NDUFS7: variants seen among roughly 807,000 people sequenced by gnomAD.
NDUFS7 encodes the protein NADH:ubiquinone oxidoreductase core subunit S7.
In NDUFS7, 11 loss-of-function variants were observed where a neutral mutation model predicts 31.1. The ratio of observed to expected loss-of-function variants is 0.35; its 90% CI spans 0.22 to 0.59. The LOEUF (loss-of-function observed/expected upper bound fraction) is 0.59. Ranked by LOEUF, NDUFS7 falls within the 20% of genes least tolerant of loss-of-function variation. The pLI is 0.79. For missense variants in NDUFS7, 263 were observed against 324.2 expected (o/e 0.81, Z 1.45); for synonymous variants, 136 against 127.9 (o/e 1.06, Z -0.43).
intron 7 of NDUFS7, chr19:1,394,011 G>A (rs758810991): frequency 1.6e-5 from 4 of 253,324 alleles, no homozygotes; most frequent in Admixed American, 1.0e-4. Flanking sequence ...TCCACGGTAG[G>A]CAGGCTTGGA....
chr19:1,393,901 C>T lies in NDUFS7; in HGVS notation c.544+571C>T, dbSNP rs915566914. The T allele has an allele frequency of 8.6e-6, 2 of 232,730 alleles. No individual in the cohort carries two copies. The highest frequency in any genetic ancestry group is 6.2e-5 in the South Asian group (1 of 16,186). 14.4% of individuals were successfully genotyped at this position (232,730 alleles called of 1,614,324 possible). On this transcript the variant is annotated intron_variant, in intron 7 of 7. Coordinates refer to ENST00000233627, the MANE Select transcript of NDUFS7 (RefSeq NM_024407.5). The surrounding 1 kb of genome is among the most constrained non-coding windows in gnomAD (Gnocchi z 7.3). ...TTGGCTGCATACCTGAAATTCACATCGCACCGGGAACATTCTTTATATCTG... is the reference window on the plus strand; with the variant it reads ...TTGGCTGCATACCTGAAATTCACATTGCACCGGGAACATTCTTTATATCTG...
rs1342462069 is a variant in NDUFS7 at position 1,395,099 on chromosome 19, CG to C, written c.545-287del. On this transcript the variant is annotated intron_variant, in intron 7 of 7. Transcript: ENST00000233627. ...CCCATTGAGTCCTGAGGGCTGGGGCCGGGGGCCGGGTTAGTGAGGTCAGCGT... is the reference window on the plus strand; with the variant it reads ...CCCATTGAGTCCTGAGGGCTGGGGCCGGGGCCGGGTTAGTGAGGTCAGCGT... 3.0e-5 allele frequency: 39 copies of C among 1,318,140 alleles called. No homozygotes were observed. In the East Asian group the frequency reaches 6.3e-4, roughly 21 times the overall value. 81.7% of individuals were successfully genotyped at this position (1,318,140 alleles called of 1,614,324 possible). A position where few individuals can be genotyped will look rare whatever the true frequency, so the allele number is the denominator to read the frequency against.
Position 1,394,153 on chromosome 19 carries a change from TC to T in NDUFS7, c.544+825del, listed in dbSNP as rs376591934. 8.9e-3 allele frequency: 3,157 copies of T among 353,454 alleles called. 97 individuals are homozygous for T. The highest frequency in any genetic ancestry group is 0.046 in the South Asian group (2,133 of 46,392). The allele number at this position is 353,454 out of a possible 1,614,324, so 21.9% of individuals were successfully genotyped here. A position where few individuals can be genotyped will look rare whatever the true frequency, so the allele number is the denominator to read the frequency against. On this transcript the variant is annotated intron_variant, in intron 7 of 7. Transcript: ENST00000233627. ...GGGGTTTGGGCAAGCGAGAGGCACA[TC>T]CTGGTGCCTCTCAAAAGTGGAGGAA...
At chr19:1,387,413 C>T (rs1157751675) in intron 1 of NDUFS7, among the ~76,000 whole-genome samples, 2 of 152,330 alleles carry the variant, frequency 1.3e-5, no homozygotes, top group African/African-American at 4.8e-5. Flanking sequence ...TGAACTGAAA[C>T]CTGCCTCATG....
At chr19:1,387,144 C>A in intron 1 of NDUFS7, 1 of 151,926 alleles carries the variant, frequency 6.6e-6, no homozygotes, top group Admixed American at 6.5e-5. Flanking sequence ...GCCCTCCCCG[C>A]TTAGCGGACT....
chr19:1,388,921 G>A lies in NDUFS7; in HGVS notation c.211G>A (p.Val71Ile), dbSNP rs764362456. The A allele has an allele frequency of 5.6e-6, 9 of 1,608,482 alleles. No homozygotes were observed. The highest frequency in any genetic ancestry group is 1.1e-5 in the South Asian group (1 of 89,926). Residue 71 changes from valine to isoleucine, a missense_variant, in exon 4 of 8, where the codon GTC becomes ATC. Val to Ile is a conservative substitution (Grantham distance 29). Transcript: ENST00000233627. ...EYVVAKLDDL[V>I]NWARRSSLWP... Reference sequence around the variant, plus strand: ...TGTGGTGGCCAAGCTGGATGACCTCGTCAACTGGGCCCGCCGGGTGAGTAC... The same window carrying A: ...TGTGGTGGCCAAGCTGGATGACCTCATCAACTGGGCCCGCCGGGTGAGTAC...
rs372317789 is a variant in NDUFS7 at position 1,393,338 on chromosome 19, C to A, written c.544+8C>A. On this transcript the variant is annotated splice_region_variant and intron_variant, in intron 7 of 7. Coordinates refer to ENST00000233627, the MANE Select transcript of NDUFS7 (RefSeq NM_024407.5). The surrounding 1 kb of genome is among the most constrained non-coding windows in gnomAD (Gnocchi z 7.3). ...TGGACATCTACATCCCAGGTAGGGC[C>A]GGGACCGCACCGCCCACGAGGGAGC... 1 of 1,563,886 alleles carries A rather than the reference C, an allele frequency of 6.4e-7. No homozygotes were observed. The highest frequency in any genetic ancestry group is 8.7e-7 in the Non-Finnish European group (1 of 1,155,342).
At chr19:1,384,142 G>T in intron 1 of NDUFS7, 200 bp downstream of exon 1, 1 of 592,222 alleles carries the variant, frequency 1.7e-6, no homozygotes, top group Non-Finnish European at 2.8e-6. Context: ...GTACAGTCGG[G>T]GAAACCGAGG....
Position 1,388,644 on chromosome 19 carries a change from C to T in NDUFS7, c.122+51C>T, listed in dbSNP as rs1028082230. 6.4e-6 allele frequency: 10 copies of T among 1,572,552 alleles called. No individual in the cohort carries two copies. The Admixed American group carries it at 1.7e-4, about 27-fold the overall frequency. ...CGTACCCCCTCGCCCCACCCCCATC[C>T]CTTCCTTATTTTCTGCATCAGTGCC... On this transcript the variant is annotated intron_variant, in intron 3 of 7. Transcript: ENST00000233627.
chr19:1,391,746 G>A (rs1490680828), intron 6 of NDUFS7: 1 of 158,530 alleles, frequency 6.3e-6, no homozygotes, highest in East Asian at 1.9e-4. Flanking sequence ...GCCTCCCAAA[G>A]TGCTGGGATT....
intron 4 of NDUFS7, chr19:1,389,259 A>G (rs1464812961): frequency 1.6e-6 from 1 of 638,306 alleles, no homozygotes; most frequent in Admixed American, 2.1e-5. Context: ...ATGCGCACAT[A>G]TACACATGCA....
intron 4 of NDUFS7, chr19:1,389,192 C>T (rs2082533832): frequency 1.4e-6 from 1 of 690,530 alleles, no homozygotes; most frequent in Non-Finnish European, 2.6e-6. Flanking sequence ...CACACAAGCA[C>T]ATGTGCACAC....
chr19:1,392,883 T>G (rs1600152441), intron 6 of NDUFS7: 1 of 348,594 alleles, frequency 2.9e-6, no homozygotes, highest in South Asian at 2.7e-5. Flanking sequence ...CAGGCGAGGG[T>G]GAGGCTCAGC....
At chr19:1,387,927 TGGGGGGA>T in intron 2 of NDUFS7, 80 bp downstream of exon 2, 1 of 116,936 alleles carries the variant, frequency 8.6e-6, no homozygotes, top group East Asian at 2.5e-4. Context: ...GGGTGGGGGG[TGGGGGGA>T]GCGCCTTGTT....
chr19:1,391,377 G>A (rs897850591), intron 6 of NDUFS7, among the ~76,000 whole-genome samples: 2 of 152,130 alleles, frequency 1.3e-5, no homozygotes, highest in Non-Finnish European at 2.9e-5. Context: ...CCCCCACGCA[G>A]CAGACCCCAC....
At chr19:1,389,523 C>T (rs954542157) in intron 4 of NDUFS7, 6 of 457,210 alleles carry the variant, frequency 1.3e-5, no homozygotes, top group Admixed American at 2.3e-5. Context: ...ATGACCCCTC[C>T]GTTTCCGTCA....
chr19:1,390,858 C>T lies in NDUFS7; in HGVS notation c.229-13C>T. On this transcript the variant is annotated splice_polypyrimidine_tract_variant and intron_variant, in intron 4 of 7. Coordinates refer to ENST00000233627, the MANE Select transcript of NDUFS7 (RefSeq NM_024407.5). ...TCCGGGGGTGGCGTCTGACCCGAGC[C>T]CGGCCTCCGCAGAGTTCTCTGTGGC... is the stretch of plus-strand genomic sequence containing the variant. 1 of 1,606,208 alleles carries T rather than the reference C, an allele frequency of 6.2e-7. No homozygotes were observed. The highest frequency in any genetic ancestry group is 8.5e-7 in the Non-Finnish European group (1 of 1,179,634).
chr19:1,394,296 T>C (rs1388961786), intron 7 of NDUFS7: 5 of 1,214,852 alleles, frequency 4.1e-6, no homozygotes, highest in Non-Finnish European at 5.4e-6. Flanking sequence ...CCCTGTGACT[T>C]GACAGCACAG....
At chr19:1,390,675 T>G (rs1013483895) in intron 4 of NDUFS7, 196 bp from the exon 5 acceptor site, 1 of 617,246 alleles carries the variant, frequency 1.6e-6, no homozygotes, top group Non-Finnish European at 2.9e-6. Context: ...ATTTTATGTA[T>G]TTGAATGTGG....
Sources: allele counts gnomAD v4.1 joint callset (sites outside exome capture counted in the v4.1 genomes callset), GRCh38; gene constraint gnomAD v4.1.1; non-coding constraint Gnocchi (gnomAD v3.1); transcripts MANE v1.5; gene names NCBI Gene and HGNC (gene_info 2026-07-23, HGNC 2026-07-21).